The following FTO variants were observed in gnomAD, a reference collection of about 807,000 sequenced individuals.
FTO encodes alpha-ketoglutarate-dependent dioxygenase FTO.
Under a neutral mutation model 63.9 loss-of-function variants are expected in FTO, and 47 were observed. The ratio of observed to expected loss-of-function variants is 0.74; its 90% CI spans 0.58 to 0.94. FTO has a LOEUF of 0.94. FTO is among the 40% of genes least tolerant of loss of function. FTO has a pLI of 0.00. For synonymous variants in FTO, 207 were observed against 224.4 expected, an observed-to-expected ratio of 0.92 and a Z score of 0.69; for missense variants, 562 against 618.1, an observed-to-expected ratio of 0.91 and a Z score of 0.96.
At chr16:54,071,120 G>T (rs567758901) in intron 8 of FTO, 1 of 152,296 alleles carries the variant, frequency 6.6e-6, no homozygotes, top group South Asian at 2.1e-4. Context: ...ATTTTAAAGA[G>T]GAAAAGAGAA....
At chr16:53,724,749 A>G (rs1381054179) in intron 1 of FTO, among the ~76,000 whole-genome samples, 2 of 152,126 alleles carry the variant, frequency 1.3e-5, no homozygotes, top group South Asian at 2.1e-4. Context: ...CTTTTCCTAC[A>G]TGAAAGGATG....
intron 1 of FTO, among the ~76,000 whole-genome samples, chr16:53,739,441 C>T (rs1403521461): frequency 2.0e-5 from 3 of 150,208 alleles, no homozygotes; most frequent in Non-Finnish European, 4.4e-5. Context: ...GTCTTGATCT[C>T]CTGACCTTGT....
intron 8 of FTO, among the ~76,000 whole-genome samples, chr16:54,080,350 T>C (rs11646290): frequency 0.24 from 35,868 of 152,218 alleles, 5,443 homozygotes; most frequent in Middle Eastern, 0.36. Context: ...ATAGTTGTCA[T>C]TGGGCTAGTC....
intron 8 of FTO, among the ~76,000 whole-genome samples, chr16:54,031,494 T>A (rs1246552339): frequency 6.6e-6 from 1 of 152,054 alleles, no homozygotes; most frequent in Non-Finnish European, 1.5e-5. Flanking sequence ...AGCACGGGCG[T>A]CAAAACTGTC....
intron 8 of FTO, among the ~76,000 whole-genome samples, chr16:54,048,894 T>A (rs147503195): frequency 6.6e-6 from 1 of 152,346 alleles, no homozygotes; most frequent in East Asian, 1.9e-4. Context: ...CCTGACACTG[T>A]GGAGAAACAT....
At chr16:53,902,126 C>T (rs1443083916) in intron 7 of FTO, among the ~76,000 whole-genome samples, 7 of 152,132 alleles carry the variant, frequency 4.6e-5, no homozygotes, top group Admixed American at 6.5e-5. Context: ...AAACAGGTAA[C>T]GTCGGCATAG....
At chr16:53,815,835 A>C (rs2078668047) in intron 2 of FTO, among the ~76,000 whole-genome samples, 1 of 149,780 alleles carries the variant, frequency 6.7e-6, no homozygotes, top group South Asian at 2.1e-4. Context: ...TTTTAGTAGA[A>C]ACAGGGTTTC....
intron 1 of FTO, among the ~76,000 whole-genome samples, chr16:53,721,292 G>A (rs925385686): frequency 3.9e-5 from 6 of 152,034 alleles, no homozygotes; most frequent in Non-Finnish European, 7.4e-5. Flanking sequence ...GCAGAAGAGC[G>A]GCTAGAGACA....
At chr16:54,098,625 AGTCT>A (rs1243881887) in intron 8 of FTO, among the ~76,000 whole-genome samples, 2 of 152,200 alleles carry the variant, frequency 1.3e-5, no homozygotes. Flanking sequence ...ACTCACTGGC[AGTCT>A]GTCTGTCGGT....
intron 7 of FTO, 110 bp downstream of exon 7, chr16:53,889,061 G>T: frequency 7.8e-7 from 1 of 1,287,038 alleles, no homozygotes; most frequent in South Asian, 1.2e-5. Flanking sequence ...TAATTATCAA[G>T]TTAGATTCTT....
At chr16:53,741,409 G>A (rs1203573825) in intron 1 of FTO, among the ~76,000 whole-genome samples, 1 of 152,148 alleles carries the variant, frequency 6.6e-6, no homozygotes, top group Non-Finnish European at 1.5e-5. Flanking sequence ...TGCATTGTTT[G>A]TTTATTCCAT....
At chr16:54,072,419 T>C (rs1235385799) in intron 8 of FTO, 1 of 152,210 alleles carries the variant, frequency 6.6e-6, no homozygotes, top group African/African-American at 2.4e-5. Context: ...TCTCGCGTTC[T>C]AATGAGGCAT....
At chr16:53,803,528 AT>A (rs1242006954) in intron 1 of FTO, among the ~76,000 whole-genome samples, 1 of 152,204 alleles carries the variant, frequency 6.6e-6, no homozygotes, top group Non-Finnish European at 1.5e-5. Context: ...TATAAGTAGG[AT>A]TGATTTTAAT....
At chr16:53,740,720 G>A (rs1430988646) in intron 1 of FTO, among the ~76,000 whole-genome samples, 1 of 152,154 alleles carries the variant, frequency 6.6e-6, no homozygotes, top group Non-Finnish European at 1.5e-5. Flanking sequence ...CCAGGTCTGT[G>A]GCTTTTTCAG....
intron 8 of FTO, among the ~76,000 whole-genome samples, chr16:54,035,280 G>A (rs2084918136): frequency 6.6e-6 from 1 of 152,190 alleles, no homozygotes; most frequent in Non-Finnish European, 1.5e-5. Flanking sequence ...ATCCAGAAAT[G>A]AAATGAAACC....
chr16:53,978,710 A>G (rs1426014751), intron 8 of FTO, among the ~76,000 whole-genome samples: 1 of 152,196 alleles, frequency 6.6e-6, no homozygotes, highest in African/African-American at 2.4e-5. Context: ...AAAATTACCC[A>G]TAATCACCGG....
At chr16:53,842,713 G>T (rs1336040164) in intron 3 of FTO, among the ~76,000 whole-genome samples, 1 of 151,968 alleles carries the variant, frequency 6.6e-6, no homozygotes, top group Non-Finnish European at 1.5e-5. Flanking sequence ...TCACTCTGTT[G>T]CCCAGAATGG....
intron 8 of FTO, among the ~76,000 whole-genome samples, chr16:54,011,071 C>T (rs1356374905): frequency 6.6e-6 from 1 of 152,140 alleles, no homozygotes; most frequent in East Asian, 1.9e-4. Flanking sequence ...TAATCTCATC[C>T]ACCTCTGACT....
Position 53,826,107 on chromosome 16 carries a change from T to A in FTO, c.367T>A (p.Ser123Thr). The A allele has an allele frequency of 6.2e-7, 1 of 1,613,914 alleles. No homozygotes were observed. Among genetic ancestry groups the A allele is most frequent in the Non-Finnish European group, 8.5e-7 (1 of 1,179,994 alleles). The change falls in exon 3 of 9, where the codon TCT (serine) becomes ACT (threonine). Residue 123 changes from serine (S) to threonine (T), a missense_variant. Physicochemically the swap from Ser to Thr is moderately conservative, Grantham distance 58. Transcript: ENST00000471389. Reference protein sequence around the residue: ...LFTVPWPVKGSNIKHTEAEIA... With the variant: ...LFTVPWPVKGTNIKHTEAEIA... ...TACGGTCCCCTGGCCAGTGAAAGGG[T>A]CTAATATAAAACACACCGAGGCTGA...
Sources: allele counts gnomAD v4.1 joint callset (sites outside exome capture counted in the v4.1 genomes callset), GRCh38; gene constraint gnomAD v4.1.1; transcripts MANE v1.5; gene names NCBI Gene and HGNC (gene_info 2026-07-23, HGNC 2026-07-21).